CAMK2D: variants seen among roughly 807,000 people sequenced by gnomAD.
The protein encoded by CAMK2D is calcium/calmodulin dependent protein kinase II delta.
Under a neutral mutation model 84.0 loss-of-function variants are expected in CAMK2D, and 37 were observed. The ratio of observed to expected loss-of-function variants is 0.44; its 90% confidence interval spans 0.34 to 0.58. The LOEUF (loss-of-function observed/expected upper bound fraction) is 0.58, where lower values mean the gene tolerates loss of function less well. CAMK2D is among the 20% of genes least tolerant of loss of function. CAMK2D has a pLI of 0.02. For synonymous variants in CAMK2D, 202 were observed against 212.5 expected, an observed-to-expected ratio of 0.95 and a Z score of 0.43; for missense variants, 448 against 652.5, an observed-to-expected ratio of 0.69 and a Z score of 3.41.
chr4:113,596,863 A>T (rs1298088052), intron 4 of CAMK2D, among the ~76,000 whole-genome samples: 2 of 148,776 alleles, frequency 1.3e-5, no homozygotes, highest in Non-Finnish European at 3.0e-5. Context: ...TCTGTCGCCT[A>T]GGCTGGAGTG....
chr4:113,658,747 C>A (rs7680434), intron 3 of CAMK2D, among the ~76,000 whole-genome samples: 1 of 151,986 alleles, frequency 6.6e-6, no homozygotes, highest in African/African-American at 2.4e-5. Context: ...GCCAGTGTTA[C>A]AATTTTTGAG....
intron 2 of CAMK2D, among the ~76,000 whole-genome samples, chr4:113,696,004 T>C (rs1381415765): frequency 6.6e-6 from 1 of 152,130 alleles, no homozygotes; most frequent in Non-Finnish European, 1.5e-5. Flanking sequence ...ATATTACGTA[T>C]GCTACTAACT....
chr4:113,582,405 C>T (rs2098814394), intron 4 of CAMK2D, among the ~76,000 whole-genome samples: 1 of 152,174 alleles, frequency 6.6e-6, no homozygotes, highest in South Asian at 2.1e-4. Context: ...ATAGCAAAAT[C>T]CACTCTTTTT....
intron 8 of CAMK2D, among the ~76,000 whole-genome samples, chr4:113,523,545 G>C (rs6839228): frequency 0.25 from 37,980 of 151,986 alleles, 4,914 homozygotes; most frequent in African/African-American, 0.3. Flanking sequence ...GGCCGAAGTG[G>C]GCAGACTGCT....
chr4:113,756,462 T>C (rs956979338), intron 2 of CAMK2D, among the ~76,000 whole-genome samples: 2 of 152,004 alleles, frequency 1.3e-5, no homozygotes, highest in East Asian at 3.9e-4. Context: ...AGCTTCCATA[T>C]GCAACTCTCA....
At chr4:113,724,236 ATTTGT>A (rs1412910710) in intron 2 of CAMK2D, among the ~76,000 whole-genome samples, 4 of 151,980 alleles carry the variant, frequency 2.6e-5, no homozygotes, top group Admixed American at 6.5e-5. Flanking sequence ...GAAAATACAA[ATTTGT>A]TTTGTTAATT....
chr4:113,761,652 G>A lies in CAMK2D; in HGVS notation c.-584C>T. The A allele has an allele frequency of 1.0e-6, 1 of 985,058 alleles. No individual in the cohort carries two copies. Among genetic ancestry groups the A allele is most frequent in the South Asian group, 4.7e-5 (1 of 21,288 alleles). 61.0% of individuals were successfully genotyped at this position (985,058 alleles called of 1,614,324 possible). On this transcript the variant is annotated 5_prime_UTR_variant, in exon 1 of 21. Transcript: ENST00000511664. ...GAGGCCGGCTTCCCTCCGGCGGGCG[G>A]CAGCGGCTCCGGCGAAGCGAGGCAC... is the stretch of plus-strand genomic sequence containing the variant.
intron 3 of CAMK2D, among the ~76,000 whole-genome samples, chr4:113,620,699 G>A (rs528452669): frequency 9.9e-5 from 15 of 152,036 alleles, no homozygotes; most frequent in Admixed American, 9.2e-4. Context: ...GTAGAGACAG[G>A]ATTTCACCAT....
In CAMK2D at chr4:113,685,235, ACTT is replaced by A. The variant is rs1451340358; in HGVS notation, c.161-23466_161-23464del. Among the ~76,000 whole-genome samples, 10 of 138,502 alleles carry A rather than the reference ACTT, an allele frequency of 7.2e-5. No individual in the cohort carries two copies. In the South Asian group the frequency reaches 1.5e-3, roughly 20 times the overall value. The allele number at this position is 138,502 out of a possible 152,430, so 90.9% of individuals were successfully genotyped here. ...CAGATACAAATGACTTACATTTCAG[ACTT>A]CTTTTTTTTTTTTTTTTTTAGACAA... On this transcript the variant is annotated intron_variant, in intron 2 of 20. Transcript: ENST00000511664.
chr4:113,630,175 T>C (rs190781410), intron 3 of CAMK2D, among the ~76,000 whole-genome samples: 417 of 152,304 alleles, frequency 2.7e-3, no homozygotes, highest in Non-Finnish European at 4.3e-3. Context: ...CAGAGTTGAA[T>C]TGTTTGGGCA....
At chr4:113,647,379 T>C (rs1465851498) in intron 3 of CAMK2D, among the ~76,000 whole-genome samples, 1 of 152,276 alleles carries the variant, frequency 6.6e-6, no homozygotes, top group African/African-American at 2.4e-5. Context: ...CTTAAGAAGA[T>C]GCACTGCCTA....
intron 4 of CAMK2D, among the ~76,000 whole-genome samples, chr4:113,578,139 T>C (rs2154237685): frequency 6.6e-6 from 1 of 152,332 alleles, no homozygotes; most frequent in South Asian, 2.1e-4. Context: ...TGAAGAAAGA[T>C]ATTCTGTTCC....
intron 8 of CAMK2D, among the ~76,000 whole-genome samples, chr4:113,519,519 T>A (rs1454626616): frequency 6.6e-6 from 1 of 150,852 alleles, no homozygotes; most frequent in Non-Finnish European, 1.5e-5. Context: ...GCCCAAAGAC[T>A]TAAAAAAAAA....
intron 4 of CAMK2D, among the ~76,000 whole-genome samples, chr4:113,579,828 T>C (rs954496032): frequency 6.6e-6 from 1 of 152,184 alleles, no homozygotes; most frequent in Non-Finnish European, 1.5e-5. Context: ...GAGAACTTTA[T>C]TAAAAACCAG....
intron 16 of CAMK2D, among the ~76,000 whole-genome samples, chr4:113,493,726 C>A (rs1178533662): frequency 6.6e-6 from 1 of 151,870 alleles, no homozygotes; most frequent in Non-Finnish European, 1.5e-5. Context: ...TGGATAATAT[C>A]CTGCAGAGTG....
chr4:113,525,540 G>T (rs1199355842), intron 8 of CAMK2D, among the ~76,000 whole-genome samples: 2 of 152,166 alleles, frequency 1.3e-5, no homozygotes, highest in Non-Finnish European at 2.9e-5. Context: ...TGGAATAGTT[G>T]CTTCCAAAGA....
At chr4:113,601,680 A>ATTATTTTTTTT (rs1591768154) in intron 4 of CAMK2D, among the ~76,000 whole-genome samples, 6 of 34,588 alleles carry the variant, frequency 1.7e-4, no homozygotes, top group South Asian at 9.5e-4. Context: ...TTAACTGTTT[A>ATTATTTTTTTT]TTCTTTTTTT....
At chr4:113,638,598 G>A (rs1019961102) in intron 3 of CAMK2D, among the ~76,000 whole-genome samples, 1 of 152,060 alleles carries the variant, frequency 6.6e-6, no homozygotes, top group Non-Finnish European at 1.5e-5. Flanking sequence ...AGCAAAGCGG[G>A]GTTTAAGAAA....
intron 5 of CAMK2D, among the ~76,000 whole-genome samples, chr4:113,548,220 C>T (rs1009151689): frequency 6.6e-5 from 10 of 152,196 alleles, no homozygotes; most frequent in African/African-American, 2.2e-4. Flanking sequence ...CAATTAATAT[C>T]TCTTGCCTAA....
Sources: allele counts gnomAD v4.1 joint callset (sites outside exome capture counted in the v4.1 genomes callset), GRCh38; gene constraint gnomAD v4.1.1; transcripts MANE v1.5; gene names NCBI Gene and HGNC (gene_info 2026-07-23, HGNC 2026-07-21).